The following ATP2C2 variants were observed in gnomAD, a reference collection of about 807,000 sequenced individuals.
ATP2C2 encodes ATPase secretory pathway Ca2+ transporting 2.
A neutral mutation model predicts 110.8 loss-of-function variants in ATP2C2; 171 were observed. The ratio of observed to expected loss-of-function variants is 1.54; its 90% confidence interval spans 1.36 to 1.75. The LOEUF (loss-of-function observed/expected upper bound fraction) is 1.75. Ranked by LOEUF, ATP2C2 falls within the 40% of genes most tolerant of loss-of-function variation. The pLI is 0.00. For synonymous variants in ATP2C2, 804 were observed against 508.4 expected, an observed-to-expected ratio of 1.58 and a Z score of -7.82; for missense variants, 1,963 against 1,235.0, an observed-to-expected ratio of 1.59 and a Z score of -8.84.
rs1186170966 is a variant in ATP2C2 at position 84,459,198 on chromosome 16, G to C, written c.2216+10G>C. On this transcript the variant is annotated intron_variant, in intron 22 of 26. Coordinates refer to ENST00000262429, the MANE Select transcript of ATP2C2 (RefSeq NM_014861.4). ...GATTCCAGCTGAGCACGTAAGTAGA[G>C]GCCAGCATTCCGAGTGTCATTAAGC... 6.8e-6 allele frequency: 11 copies of C among 1,614,132 alleles called. No homozygotes were observed. In the African/African-American group the frequency reaches 9.3e-5, roughly 14 times the overall value.
intron 6 of ATP2C2, among the ~76,000 whole-genome samples, chr16:84,412,346 G>A (rs1453526583): frequency 9.2e-6 from 1 of 108,970 alleles, no homozygotes; most frequent in East Asian, 2.3e-4. Context: ...GTATGCGTGT[G>A]TCTGCGTGCG....
At chr16:84,412,577 T>C (rs1017190038) in intron 6 of ATP2C2, among the ~76,000 whole-genome samples, 2 of 150,548 alleles carry the variant, frequency 1.3e-5, no homozygotes, top group African/African-American at 4.9e-5. Context: ...TGTATGTGTG[T>C]GTGTGGAGAT....
chr16:84,462,451 T>A, intron 26 of ATP2C2: 1 of 244,176 alleles, frequency 4.1e-6, no homozygotes, highest in Admixed American at 4.8e-5. Flanking sequence ...AGGCCTGTAC[T>A]CAGCCTGGGA....
intron 12 of ATP2C2, 34 bp from the exon 13 acceptor site, chr16:84,439,393 C>T (rs776144986): frequency 6.4e-7 from 1 of 1,574,198 alleles, no homozygotes; most frequent in Non-Finnish European, 8.6e-7. Flanking sequence ...AGGATGGCAA[C>T]TTCTCTTCTA....
intron 17 of ATP2C2, 83 bp from the exon 18 acceptor site, chr16:84,451,836 TAA>T: frequency 3.7e-6 from 5 of 1,357,612 alleles, no homozygotes; most frequent in Non-Finnish European, 5.0e-6. Context: ...AAAACTCTCT[TAA>T]AAAACAACAA....
chr16:84,463,761 A>C lies in ATP2C2; in HGVS notation c.*29A>C, dbSNP rs535842055. 10 of 1,554,304 alleles carry C rather than the reference A, an allele frequency of 6.4e-6. No individual in the cohort carries two copies. The highest frequency in any genetic ancestry group is 5.6e-5 in the South Asian group (5 of 89,856). On this transcript the variant is annotated 3_prime_UTR_variant, in exon 27 of 27. Coordinates refer to ENST00000262429, the MANE Select transcript of ATP2C2 (RefSeq NM_014861.4). ...ACCGCACTCCGCGGCACCTTCCCTA[A>C]TCATCTCGATCTGGTTGTGACTGTG...
intron 1 of ATP2C2, among the ~76,000 whole-genome samples, chr16:84,392,819 C>T (rs1310760432): frequency 6.6e-6 from 1 of 152,108 alleles, no homozygotes; most frequent in African/African-American, 2.4e-5. Flanking sequence ...GTGTGTCCTA[C>T]AGTTCCCACA....
At chr16:84,382,314 C>T (rs963403036) in intron 1 of ATP2C2, among the ~76,000 whole-genome samples, 2 of 152,220 alleles carry the variant, frequency 1.3e-5, no homozygotes, top group Admixed American at 6.5e-5. Flanking sequence ...AGGACACGAA[C>T]TCATCCTTTT....
intron 1 of ATP2C2, among the ~76,000 whole-genome samples, chr16:84,379,902 T>C (rs894817195): frequency 6.6e-6 from 1 of 152,150 alleles, no homozygotes; most frequent in African/African-American, 2.4e-5. Flanking sequence ...AAGGTAGGTA[T>C]GGCCTGGGTG....
chr16:84,448,388 C>T, intron 16 of ATP2C2, 145 bp from the exon 17 acceptor site: 1 of 1,030,266 alleles, frequency 9.7e-7, no homozygotes, highest in Non-Finnish European at 1.4e-6. Flanking sequence ...TGTCCAGCAC[C>T]TGTGAACAGC....
chr16:84,397,936 C>G (rs552305104), intron 1 of ATP2C2, among the ~76,000 whole-genome samples: 2 of 151,790 alleles, frequency 1.3e-5, no homozygotes, highest in Admixed American at 6.6e-5. Context: ...CCTGGCCAAC[C>G]TAATCTATGA....
chr16:84,405,013 C>G (rs569554350), intron 2 of ATP2C2, 115 bp from the exon 3 acceptor site: 1 of 877,636 alleles, frequency 1.1e-6, no homozygotes, highest in Non-Finnish European at 1.9e-6. Context: ...GGTGGACAAG[C>G]CTGTGTCCCT....
chr16:84,379,299 C>T (rs1172400885), intron 1 of ATP2C2, among the ~76,000 whole-genome samples: 1 of 152,136 alleles, frequency 6.6e-6, no homozygotes, highest in Non-Finnish European at 1.5e-5. Context: ...CCTCCCACCT[C>T]CCGAATAGCT....
At chr16:84,414,202 C>G (rs538470958) in intron 6 of ATP2C2, among the ~76,000 whole-genome samples, 1 of 152,260 alleles carries the variant, frequency 6.6e-6, no homozygotes, top group South Asian at 2.1e-4. Context: ...CTGGCAGGTG[C>G]TCTTGGCTAC....
chr16:84,403,458 A>C (rs759540915), intron 2 of ATP2C2, among the ~76,000 whole-genome samples: 3 of 152,044 alleles, frequency 2.0e-5, no homozygotes, highest in Non-Finnish European at 4.4e-5. Context: ...GGAGTCTGCC[A>C]CCACAATGGG....
At chr16:84,453,068 A>C (rs1910441840) in intron 18 of ATP2C2, 70 bp from the exon 19 acceptor site, 1 of 1,473,178 alleles carries the variant, frequency 6.8e-7, no homozygotes, top group Non-Finnish European at 9.3e-7. Context: ...CCCATGGCCG[A>C]GGTGGGGCCG....
Position 84,369,146 on chromosome 16 carries a change from A to G in ATP2C2, c.99+432A>G, listed in dbSNP as rs1022584082. 4.6e-5 allele frequency among the ~76,000 whole-genome samples: 7 copies of G among 152,258 alleles called. No homozygotes were observed. In the East Asian group the frequency reaches 1.2e-3, roughly 25 times the overall value. ...AAACAAAAGATTGCTGAAATGTTGT[A>G]GCAATAATAGAAAGCAAAGTTGGAG... is the stretch of plus-strand genomic sequence containing the variant. On this transcript the variant is annotated intron_variant, in intron 1 of 26. Coordinates refer to ENST00000262429, the MANE Select transcript of ATP2C2 (RefSeq NM_014861.4).
chr16:84,400,853 A>G (rs1905274259), intron 2 of ATP2C2, among the ~76,000 whole-genome samples: 1 of 152,140 alleles, frequency 6.6e-6, no homozygotes, highest in South Asian at 2.1e-4. Context: ...CCTGTTTGCC[A>G]TTCATATGTC....
At chr16:84,415,274 G>C (rs956194268) in intron 6 of ATP2C2, among the ~76,000 whole-genome samples, 2 of 152,166 alleles carry the variant, frequency 1.3e-5, no homozygotes, top group Non-Finnish European at 2.9e-5. Context: ...TCATCTTTCA[G>C]ATGTGGCCCA....
Sources: gnomAD v4.1 joint callset for allele counts (sites outside exome capture counted in the v4.1 genomes callset) on GRCh38, gnomAD v4.1.1 for gene constraint, MANE v1.5 for transcripts, NCBI Gene and HGNC (gene_info 2026-07-23, HGNC 2026-07-21) for gene names.